Variants in DNAJC3 observed in about 807,000 individuals in gnomAD.
DNAJC3 encodes dnaJ homolog subfamily C member 3.
A neutral mutation model predicts 68.6 loss-of-function variants in DNAJC3; 38 were observed. That is an observed-to-expected ratio of 0.55 (90% CI 0.43 to 0.73). The LOEUF (loss-of-function observed/expected upper bound fraction) is 0.73. Among genes scored for constraint, DNAJC3 ranks in the 30% least tolerant of loss-of-function variants. The probability of loss-of-function intolerance (pLI) is 0.00; values close to 1 mark genes in which losing one functional copy is unlikely to be tolerated. For missense variants in DNAJC3, 526 were observed against 591.9 expected, an observed-to-expected ratio of 0.89 and a Z score of 1.16; for synonymous variants, 203 against 204.0, an observed-to-expected ratio of 1.00 and a Z score of 0.04.
At chr13:95,754,460 T>C (rs1882589082) in intron 4 of DNAJC3, among the ~76,000 whole-genome samples, 1 of 152,202 alleles carries the variant, frequency 6.6e-6, no homozygotes, top group Non-Finnish European at 1.5e-5. Flanking sequence ...AACAAACTTT[T>C]ATACTGCAAA....
chr13:95,738,590 T>A (rs1882013757), intron 4 of DNAJC3, among the ~76,000 whole-genome samples: 1 of 152,188 alleles, frequency 6.6e-6, no homozygotes, highest in Non-Finnish European at 1.5e-5. Flanking sequence ...GCCTTCTTTG[T>A]CTCTTTTGAT....
intron 1 of DNAJC3, chr13:95,692,807 A>T (rs376865151): frequency 6.6e-6 from 1 of 150,802 alleles, no homozygotes. Context: ...GCACTTCTAC[A>T]CATCTGCACC....
chr13:95,788,365 A>G (rs761134916), intron 11 of DNAJC3, among the ~76,000 whole-genome samples: 2 of 152,170 alleles, frequency 1.3e-5, no homozygotes, highest in Non-Finnish European at 2.9e-5. Flanking sequence ...GCTACGTTTT[A>G]AGGTACCAGG....
At position 95,677,246 on chromosome 13, in the gene DNAJC3, G is replaced by T; in HGVS notation, c.-10G>T. 6.2e-7 allele frequency: 1 copy of T among 1,601,476 alleles called. No individual in the cohort carries two copies. The highest frequency in any genetic ancestry group is 8.5e-7 in the Non-Finnish European group (1 of 1,175,142). On this transcript the variant is annotated 5_prime_UTR_variant, in exon 1 of 12. Transcript: ENST00000602402. Reference sequence around the variant, plus strand: ...CACCTTTCCTCCTCTTCACTCGCGAGCCCTCGGACATGGTGGCCCCCGGCT... The same window carrying T: ...CACCTTTCCTCCTCTTCACTCGCGATCCCTCGGACATGGTGGCCCCCGGCT...
At chr13:95,698,786 A>G (rs766986020) in intron 1 of DNAJC3, among the ~76,000 whole-genome samples, 15 of 152,218 alleles carry the variant, frequency 9.9e-5, no homozygotes, top group Non-Finnish European at 2.2e-4. Flanking sequence ...GAAGCATGAG[A>G]ACACGGTCTA....
intron 4 of DNAJC3, among the ~76,000 whole-genome samples, chr13:95,737,863 A>G (rs1440083960): frequency 8.5e-6 from 1 of 117,976 alleles, no homozygotes; most frequent in African/African-American, 3.5e-5. Flanking sequence ...GCCTTCTGCT[A>G]GCTTTTGAAT....
chr13:95,764,663 TATATATATATATATATATATAC>T (rs1177818222), intron 9 of DNAJC3, among the ~76,000 whole-genome samples: 1 of 121,532 alleles, frequency 8.2e-6, no homozygotes, highest in Non-Finnish European at 1.6e-5. Context: ...TATATATATA[TATATATATATATATATATATAC>T]ACACACACAC....
intron 2 of DNAJC3, among the ~76,000 whole-genome samples, chr13:95,716,669 C>T (rs111518375): frequency 0.01 from 1,543 of 152,236 alleles, 23 homozygotes; most frequent in African/African-American, 0.035. Context: ...GGCTGCCCAG[C>T]GGCCAGACTC....
rs550236351 is a variant in DNAJC3, at chr13:95,710,359, G to A, written c.193+1022G>A. 9.9e-5 allele frequency among the ~76,000 whole-genome samples: 15 copies of A among 151,630 alleles called. No homozygotes were observed. In the South Asian group the frequency reaches 3.1e-3, roughly 32 times the overall value. ...GCCTCCTGAATAGCTGGGATTATAG[G>A]TGTGTGCCACTATATCCAACTACTT... On this transcript the variant is annotated intron_variant, in intron 2 of 11. Coordinates refer to ENST00000602402, the MANE Select transcript of DNAJC3 (RefSeq NM_006260.5).
At chr13:95,779,405 T>C (rs1566514272) in intron 9 of DNAJC3, among the ~76,000 whole-genome samples, 1 of 152,206 alleles carries the variant, frequency 6.6e-6, no homozygotes, top group Non-Finnish European at 1.5e-5. Context: ...ATTACAGGCA[T>C]GAGCCATCGC....
intron 4 of DNAJC3, among the ~76,000 whole-genome samples, chr13:95,746,860 A>G (rs1882320468): frequency 6.6e-6 from 1 of 152,148 alleles, no homozygotes; most frequent in Non-Finnish European, 1.5e-5. Context: ...TATGTACTGT[A>G]TACTGATTAC....
intron 9 of DNAJC3, among the ~76,000 whole-genome samples, chr13:95,764,760 CATAT>C (rs200982081): frequency 2.9e-5 from 3 of 105,156 alleles, no homozygotes; most frequent in Non-Finnish European, 3.9e-5. Context: ...TATATATATA[CATAT>C]ATATATATAG....
intron 7 of DNAJC3, among the ~76,000 whole-genome samples, chr13:95,763,240 TTTCATGGAAGTG>T (rs1310725615): frequency 6.6e-6 from 1 of 152,214 alleles, no homozygotes; most frequent in Non-Finnish European, 1.5e-5. Flanking sequence ...GTTCCATTAT[TTTCATGGAAGTG>T]TTTACTGACC....
chr13:95,790,860 G>T lies in DNAJC3; in HGVS notation c.1358-13G>T. The T allele has an allele frequency of 1.3e-6, 2 of 1,593,700 alleles. No homozygotes were observed. Reference sequence around the variant, plus strand: ...GATATTATCTGGTTCTTAATTTTCTGATTTCTTTCTAGAAATGAGAAAGAA... The same window carrying T: ...GATATTATCTGGTTCTTAATTTTCTTATTTCTTTCTAGAAATGAGAAAGAA... On this transcript the variant is annotated splice_polypyrimidine_tract_variant and intron_variant, in intron 11 of 11. Coordinates refer to ENST00000602402, the MANE Select transcript of DNAJC3 (RefSeq NM_006260.5).
chr13:95,715,876 G>T (rs1309578117), intron 2 of DNAJC3, among the ~76,000 whole-genome samples: 1 of 151,952 alleles, frequency 6.6e-6, no homozygotes, highest in East Asian at 2.0e-4. Flanking sequence ...AAAGTTTAAG[G>T]CTGGGCGTGG....
chr13:95,700,285 A>G (rs568088532), intron 1 of DNAJC3, among the ~76,000 whole-genome samples: 6 of 152,164 alleles, frequency 3.9e-5, no homozygotes, highest in Admixed American at 1.3e-4. Context: ...TTTTCTTTAT[A>G]TATAAATTAT....
rs1213761541 is a variant in DNAJC3 at position 95,753,969 on chromosome 13, G to A, written c.394-3675G>A. On this transcript the variant is annotated intron_variant, in intron 4 of 11. Coordinates refer to ENST00000602402, the MANE Select transcript of DNAJC3 (RefSeq NM_006260.5). ...ATCTGTTTGGAAATATTCACAGCCC[G>A]GTCACTGAGAAATGGTAAAACTTCC... 4.6e-5 allele frequency among the ~76,000 whole-genome samples: 7 copies of A among 152,128 alleles called. No homozygotes were observed. In the South Asian group the frequency reaches 1.0e-3, roughly 23 times the overall value.
At chr13:95,713,539 G>T (rs1330460388) in intron 2 of DNAJC3, among the ~76,000 whole-genome samples, 3 of 152,334 alleles carry the variant, frequency 2.0e-5, no homozygotes, top group African/African-American at 7.2e-5. Context: ...ATTCAATATT[G>T]TAAAGTTGTC....
chr13:95,706,844 T>A (rs1880767456), intron 1 of DNAJC3, among the ~76,000 whole-genome samples: 1 of 152,232 alleles, frequency 6.6e-6, no homozygotes, highest in Admixed American at 6.5e-5. Context: ...ATTCAGCTAT[T>A]GTTTTAATTC....
Sources: gnomAD v4.1 joint callset for allele counts (sites outside exome capture counted in the v4.1 genomes callset) on GRCh38, gnomAD v4.1.1 for gene constraint, MANE v1.5 for transcripts, NCBI Gene and HGNC (gene_info 2026-07-23, HGNC 2026-07-21) for gene names.